Variants in NDST1 observed in about 807,000 individuals in gnomAD.
The protein encoded by NDST1 is N-deacetylase and N-sulfotransferase 1.
A neutral mutation model predicts 92.8 loss-of-function variants in NDST1; 35 were observed. The ratio of observed to expected loss-of-function variants is 0.38; its 90% CI spans 0.29 to 0.50. The LOEUF is 0.50. Among genes scored for constraint, NDST1 ranks in the 20% least tolerant of loss-of-function variants. The pLI, the probability that NDST1 is intolerant of heterozygous loss-of-function variation, is 0.94. For missense variants in NDST1, 822 were observed against 1,182.7 expected (o/e 0.69, Z 4.47); for synonymous variants, 493 against 500.3 (o/e 0.99, Z 0.19).
chr5:150,542,765 G>T, intron 9 of NDST1, 83 bp from the exon 10 acceptor site: 1 of 1,576,250 alleles, frequency 6.3e-7, no homozygotes, highest in East Asian at 2.2e-5. Flanking sequence ...CCAGTGGGTC[G>T]TGGGGAGCTA....
upstream of NDST1, among the ~76,000 whole-genome samples, chr5:150,506,328 G>T (rs576780930): frequency 8.8e-4 from 134 of 152,220 alleles, 1 homozygote; most frequent in African/African-American, 3.2e-3. Context: ...GCCCAGGCTG[G>T]TGTTGAACTC....
At chr5:150,524,498 T>C (rs1459681360) in intron 2 of NDST1, among the ~76,000 whole-genome samples, 1 of 152,204 alleles carries the variant, frequency 6.6e-6, no homozygotes, top group African/African-American at 2.4e-5. Context: ...CTGGCAGGGG[T>C]CTGGCAAGGA....
In NDST1 at chr5:150,521,222, G is replaced by T. The variant is rs781720301; in HGVS notation, c.-33G>T. 1.4e-5 allele frequency: 22 copies of T among 1,589,556 alleles called. No homozygotes were observed. Among genetic ancestry groups the T allele is most frequent in the Non-Finnish European group, 1.8e-5 (21 of 1,170,726 alleles). ...GGCCTTGGGGTAGCCAGGGCAGGCC[G>T]GGCCTCCGGTGGCCAAGGTCTCGGA... On this transcript the variant is annotated 5_prime_UTR_variant, in exon 2 of 15. Coordinates refer to ENST00000261797, the MANE Select transcript of NDST1 (RefSeq NM_001543.5). The surrounding 1 kb of genome is among the most constrained non-coding windows in gnomAD (Gnocchi z 5.9).
In NDST1 at chr5:150,556,465, A is replaced by G. The variant is rs1755871867; in HGVS notation, c.*3133A>G. 1.3e-5 allele frequency: 2 copies of G among 152,264 alleles called. No homozygotes were observed. Among genetic ancestry groups the G allele is most frequent in the Admixed American group, 6.5e-5 (1 of 15,284 alleles). The allele number at this position is 152,264 out of a possible 1,614,324, so 9.4% of individuals were successfully genotyped here. On this transcript the variant is annotated 3_prime_UTR_variant, in exon 15 of 15. Transcript: ENST00000261797. ...CTGCAGAGGTTGGTGGTCCCAGCAC[A>G]GAGCTGTGCCCATGGGCTTGTTAGT...
intron 1 of NDST1, 96 bp downstream of exon 1, chr5:150,508,322 A>AGT (rs56201209): frequency 0.44 from 63,970 of 145,882 alleles, 13,867 homozygotes; most frequent in Middle Eastern, 0.49. Flanking sequence ...GGTCCATCTG[A>AGT]GTGTGTGTGT....
chr5:150,549,832 G>A, intron 13 of NDST1, 45 bp downstream of exon 13: 4 of 1,235,302 alleles, frequency 3.2e-6, no homozygotes, highest in South Asian at 1.2e-5. Context: ...CCCTGATAAG[G>A]CACCTGGGCC....
At chr5:150,502,020 T>C (rs1370640227) in intron 1 of NDST1, among the ~76,000 whole-genome samples, 1 of 151,888 alleles carries the variant, frequency 6.6e-6, no homozygotes, top group African/African-American at 2.4e-5. Flanking sequence ...GCTGAAAGAA[T>C]GAGAGGATGG....
In NDST1 at chr5:150,539,309, A is replaced by G; in HGVS notation, c.1519A>G (p.Lys507Glu). Reference sequence around the variant, plus strand: ...CCCTGGCGGCTCCAGTGAGCTGGACAAGATCATCAACGGGGGCGAGCTCTT... The same window carrying G: ...CCCTGGCGGCTCCAGTGAGCTGGACGAGATCATCAACGGGGGCGAGCTCTT... ...EYPGGSSELDKIINGGELFLT... is the reference protein window; with the variant it reads ...EYPGGSSELDEIINGGELFLT... The change falls in exon 7 of 15, where the codon AAG becomes GAG. Residue 507 changes from lysine to glutamate, a missense_variant. Physicochemically the swap from Lys to Glu is moderately conservative, Grantham distance 56. Transcript: ENST00000261797. 1 of 1,614,090 alleles carries G rather than the reference A, an allele frequency of 6.2e-7. No homozygotes were observed. Among genetic ancestry groups the G allele is most frequent in the South Asian group, 1.1e-5 (1 of 91,082 alleles).
chr5:150,530,976 TCA>T (rs1012411790), intron 3 of NDST1, among the ~76,000 whole-genome samples: 37 of 152,136 alleles, frequency 2.4e-4, no homozygotes, highest in African/African-American at 6.3e-4. Flanking sequence ...GCACCCTCTT[TCA>T]CACACTCAGC....
intron 6 of NDST1, among the ~76,000 whole-genome samples, chr5:150,538,005 T>G (rs1438238278): frequency 6.6e-6 from 1 of 152,212 alleles, no homozygotes; most frequent in African/African-American, 2.4e-5. Flanking sequence ...CGGACAAAGT[T>G]AAGCAGGGAA....
At chr5:150,513,823 C>G (rs1753836117) in intron 1 of NDST1, among the ~76,000 whole-genome samples, 1 of 152,236 alleles carries the variant, frequency 6.6e-6, no homozygotes, top group African/African-American at 2.4e-5. Context: ...TGCCCCTTTT[C>G]TCTTATGGGT....
intron 6 of NDST1, 79 bp from the exon 7 acceptor site, chr5:150,539,149 T>C (rs962831288): frequency 2.5e-6 from 3 of 1,220,248 alleles, no homozygotes; most frequent in Non-Finnish European, 3.6e-6. Flanking sequence ...CAGCTGGGCC[T>C]TCTTCCTCTG....
intron 1 of NDST1, among the ~76,000 whole-genome samples, chr5:150,515,196 G>T (rs1753903208): frequency 6.6e-6 from 1 of 152,232 alleles, no homozygotes; most frequent in Admixed American, 6.5e-5. Context: ...GGTGTTAACT[G>T]CAGGATACAC....
intron 13 of NDST1, among the ~76,000 whole-genome samples, chr5:150,550,019 G>T (rs1328543159): frequency 6.6e-6 from 1 of 152,048 alleles, no homozygotes; most frequent in Non-Finnish European, 1.5e-5. Flanking sequence ...CTTTGGTCTG[G>T]GCTGAACATT....
intron 5 of NDST1, 54 bp from the exon 6 acceptor site, chr5:150,535,646 G>A (rs1413225419): frequency 1.9e-6 from 3 of 1,598,698 alleles, no homozygotes; most frequent in African/African-American, 2.7e-5. Flanking sequence ...GGGGGATAAG[G>A]CCCAAAGGGG....
Position 150,553,400 on chromosome 5 carries a change from C to A in NDST1, c.*68C>A. ...ACATCCCACCACACGCTGAGCCAGA[C>A]CTGCAGAGTGGGAAGCTGGACCAGG... On this transcript the variant is annotated 3_prime_UTR_variant, in exon 15 of 15. Coordinates refer to ENST00000261797, the MANE Select transcript of NDST1 (RefSeq NM_001543.5). This position sits in a 1 kb window ranked among gnomAD's most constrained non-coding sequence, Gnocchi z 4.2. The A allele has an allele frequency of 6.3e-7, 1 of 1,588,510 alleles. No individual in the cohort carries two copies. The highest frequency in any genetic ancestry group is 8.6e-7 in the Non-Finnish European group (1 of 1,161,872).
At chr5:150,501,404 A>G (rs1250162445) in intron 1 of NDST1, among the ~76,000 whole-genome samples, 1 of 152,176 alleles carries the variant, frequency 6.6e-6, no homozygotes, top group East Asian at 1.9e-4. Flanking sequence ...GGCCAAAAGG[A>G]GAGGAAAAGG....
chr5:150,549,743 G>C lies in NDST1; in HGVS notation c.2382G>C (p.Lys794Asn). The change falls in exon 13 of 15, where the codon AAG becomes AAC. Residue 794 changes from lysine (K) to asparagine (N), a missense_variant. By Grantham distance (94) the Lys-to-Asn change is moderately conservative. Coordinates refer to ENST00000261797, the MANE Select transcript of NDST1 (RefSeq NM_001543.5). ...CCAAAGTGATGGACATGGTGCAGAAGTTCCTTGGGGTGACCAACACCATTG... is the reference window on the plus strand; with the variant it reads ...CCAAAGTGATGGACATGGTGCAGAACTTCCTTGGGGTGACCAACACCATTG... ...EPAKVMDMVQKFLGVTNTIDY... is the reference protein window; with the variant it reads ...EPAKVMDMVQNFLGVTNTIDY... 1 of 1,614,080 alleles carries C rather than the reference G, an allele frequency of 6.2e-7. No individual in the cohort carries two copies. Among genetic ancestry groups the C allele is most frequent in the Non-Finnish European group, 8.5e-7 (1 of 1,179,896 alleles).
chr5:150,520,596 T>C (rs1420734279), intron 1 of NDST1, among the ~76,000 whole-genome samples: 1 of 152,224 alleles, frequency 6.6e-6, no homozygotes, highest in East Asian at 1.9e-4. Flanking sequence ...AGATACCATA[T>C]GCTAGGTACT....
Sources: allele counts gnomAD v4.1 joint callset (sites outside exome capture counted in the v4.1 genomes callset), GRCh38; gene constraint gnomAD v4.1.1; non-coding constraint Gnocchi (gnomAD v3.1); transcripts MANE v1.5; gene names NCBI Gene and HGNC (gene_info 2026-07-23, HGNC 2026-07-21).